Variants in MCM3AP observed in about 807,000 individuals in gnomAD.
MCM3AP encodes the protein minichromosome maintenance complex component 3 associated protein.
Under a neutral mutation model 184.1 loss-of-function variants are expected in MCM3AP, and 126 were observed. That is an observed-to-expected ratio of 0.68 (90% CI 0.59 to 0.79). The LOEUF (loss-of-function observed/expected upper bound fraction) is 0.79. Ranked by LOEUF, MCM3AP falls within the 30% of genes least tolerant of loss-of-function variation. The pLI is 0.00. For missense variants in MCM3AP, 2,496 were observed against 2,479.2 expected (o/e 1.01, Z -0.14); for synonymous variants, 1,002 against 979.3 (o/e 1.02, Z -0.43).
intron 20 of MCM3AP, chr21:46,249,653 C>CAT (rs1247980022): frequency 6.8e-6 from 3 of 441,990 alleles, no homozygotes; most frequent in Non-Finnish European, 1.3e-5. Context: ...CCTCGCATGA[C>CAT]ATATAACATC....
At position 46,265,403 on chromosome 21, in the gene MCM3AP, G is replaced by C. The variant is rs17182850; in HGVS notation, c.3152C>G (p.Pro1051Arg). Residue 1051 changes from proline to arginine, a missense_variant, in exon 12 of 28, where the codon CCG (proline) becomes CGG (arginine). Coordinates refer to ENST00000291688, the MANE Select transcript of MCM3AP (RefSeq NM_003906.5). ...CTGGAAGAGGCTGGGCGCCACAGAC[G>C]GGGTCAGTGCCAGGACAGGAGGCAG... ...VPLPPVLALTPSVAPSLFQLS... is the reference protein window; with the variant it reads ...VPLPPVLALTRSVAPSLFQLS... 1 of 1,614,024 alleles carries C rather than the reference G, an allele frequency of 6.2e-7. No individual in the cohort carries two copies. The highest frequency in any genetic ancestry group is 2.2e-5 in the East Asian group (1 of 44,880).
At chr21:46,259,455 C>CAA (rs959198211) in intron 15 of MCM3AP, 11 of 68,466 alleles carry the variant, frequency 1.6e-4, no homozygotes, top group South Asian at 9.0e-4. Context: ...GACTCCGTCT[C>CAA]AAAAAAAAAA....
At chr21:46,276,585 GC>G (rs1454244885) in intron 5 of MCM3AP, among the ~76,000 whole-genome samples, 1 of 150,120 alleles carries the variant, frequency 6.7e-6, no homozygotes, top group Non-Finnish European at 1.5e-5. Context: ...GGGATTACAG[GC>G]ATGTGCCACC....
intron 6 of MCM3AP, 64 bp downstream of exon 6, chr21:46,275,122 T>C (rs1231900158): frequency 1.3e-6 from 2 of 1,527,668 alleles, no homozygotes; most frequent in East Asian, 2.3e-5. Flanking sequence ...ATCAAGTATG[T>C]ACAGAAATGA....
chr21:46,272,682 A>AGC lies in MCM3AP; in HGVS notation c.2343_2344insGC (p.Cys782AlafsTer6). ...TACATCTCCTTCAGGCTCTGCAGGC[A>AGC]CTTGGTCATGTTCTCATTATTGATC... On this transcript the variant is annotated frameshift_variant, in exon 8 of 28. Transcript: ENST00000291688. LOFTEE classifies it high-confidence loss of function. The AGC allele has an allele frequency of 6.2e-7, 1 of 1,614,184 alleles. No homozygotes were observed. The highest frequency in any genetic ancestry group is 8.5e-7 in the Non-Finnish European group (1 of 1,180,026).
In MCM3AP at chr21:46,236,945, C is replaced by G. The variant is rs777722454; in HGVS notation, c.5668G>C (p.Asp1890His). Residue 1890 changes from aspartate (D) to histidine (H), a missense_variant, in exon 27 of 28, where the codon GAC (aspartate) becomes CAC (histidine). Around this residue, in one of 5 missense-constraint regions of MCM3AP, gnomAD observed 1,323 missense variants for 1,273.4 expected, o/e 1.04. Transcript: ENST00000291688. ...EDQLQQWLSE[D>H]SGAFTDLTSL... ...GTTAAATCCGTAAATGCTCCTGAGT[C>G]TTCAGACAACCATTGCTGAAGCTGA... 1 of 1,560,818 alleles carries G rather than the reference C, an allele frequency of 6.4e-7. No homozygotes were observed. The highest frequency in any genetic ancestry group is 8.6e-7 in the Non-Finnish European group (1 of 1,161,408).
At chr21:46,248,966 T>G (rs896048142) in intron 20 of MCM3AP, among the ~76,000 whole-genome samples, 6 of 152,018 alleles carry the variant, frequency 3.9e-5, no homozygotes, top group African/African-American at 1.2e-4. Context: ...CATAAAGACA[T>G]GAAAATGTCC....
At chr21:46,274,595 A>T (rs1329466663) in intron 6 of MCM3AP, among the ~76,000 whole-genome samples, 1 of 152,228 alleles carries the variant, frequency 6.6e-6, no homozygotes, top group Non-Finnish European at 1.5e-5. Context: ...CATAATCTCG[A>T]ATGTGTAAAA....
chr21:46,283,897 CAACT>C (rs1168286625), intron 1 of MCM3AP, 59 bp from the exon 2 acceptor site: 17 of 1,558,350 alleles, frequency 1.1e-5, no homozygotes, highest in African/African-American at 1.1e-4. Context: ...CAGGAGGCAC[CAACT>C]GTGTCGAAGC....
Position 46,259,995 on chromosome 21 carries a change from G to A in MCM3AP, c.3581+798C>T, listed in dbSNP as rs372244043. Among the ~76,000 whole-genome samples the A allele has an allele frequency of 4.0e-5, 6 of 151,518 alleles. No individual in the cohort carries two copies. The East Asian group carries it at 1.2e-3, about 29-fold the overall frequency. On this transcript the variant is annotated intron_variant, in intron 15 of 27. Transcript: ENST00000291688. ...GGAGGCTGAGCTAGGAGAATCGCTTGAACCCAGGAGGCAGAGGTTGCAGTG... is the reference window on the plus strand; with the variant it reads ...GGAGGCTGAGCTAGGAGAATCGCTTAAACCCAGGAGGCAGAGGTTGCAGTG...
chr21:46,246,594 A>G (rs750794436), intron 21 of MCM3AP, 34 bp downstream of exon 21: 1 of 1,604,030 alleles, frequency 6.2e-7, no homozygotes, highest in Non-Finnish European at 8.5e-7. Flanking sequence ...TTATTAAACA[A>G]TGCTGCTTCA....
intron 9 of MCM3AP, among the ~76,000 whole-genome samples, chr21:46,269,270 C>T (rs990056917): frequency 4.6e-5 from 7 of 151,988 alleles, no homozygotes; most frequent in Non-Finnish European, 1.5e-5. Context: ...CATCCCACCA[C>T]ACCTGCCTGG....
At chr21:46,266,202 C>A (rs767839390) in intron 10 of MCM3AP, 36 bp from the exon 11 acceptor site, 51 of 1,566,552 alleles carry the variant, frequency 3.3e-5, no homozygotes, top group Non-Finnish European at 4.3e-5. Context: ...AGGGGTGTCA[C>A]CAGGGGAGAA....
rs1336227482 is a variant in MCM3AP, at chr21:46,243,667, G to A, written c.5094C>T (p.Ser1698=). 2.5e-6 allele frequency: 4 copies of A among 1,614,118 alleles called. No individual in the cohort carries two copies. The highest frequency in any genetic ancestry group is 1.3e-5 in the African/African-American group (1 of 74,956). ...GGAGGACAGGCTGTGTCTGGCGTGAGCTGGGGATCTGGGAGGCGTACTGGA... is the reference window on the plus strand; with the variant it reads ...GGAGGACAGGCTGTGTCTGGCGTGAACTGGGGATCTGGGAGGCGTACTGGA... ...MVVQYASQIP[S]SRQTQPVLQS... Residue 1698 remains serine (S), a synonymous_variant, in exon 24 of 28, where the codon AGC becomes AGT. Coordinates refer to ENST00000291688, the MANE Select transcript of MCM3AP (RefSeq NM_003906.5).
chr21:46,261,127 C>T lies in MCM3AP; in HGVS notation c.3467+153G>A, dbSNP rs2839179. 0.17 allele frequency among the ~76,000 whole-genome samples: 25,587 copies of T among 151,974 alleles called. 2,496 individuals carry two copies. The highest frequency in any genetic ancestry group is 0.23 in the Non-Finnish European group (15,301 of 67,904). Reference sequence around the variant, plus strand: ...GGTGTGGCCTGAGGAGCTCCATCCACCCCCTGGGCTGAAGCATAGGAGGGC... The same window carrying T: ...GGTGTGGCCTGAGGAGCTCCATCCATCCCCTGGGCTGAAGCATAGGAGGGC... On this transcript the variant is annotated intron_variant, in intron 14 of 27. Coordinates refer to ENST00000291688, the MANE Select transcript of MCM3AP (RefSeq NM_003906.5).
At chr21:46,243,243 C>T (rs967091711) in intron 24 of MCM3AP, among the ~76,000 whole-genome samples, 1 of 152,076 alleles carries the variant, frequency 6.6e-6, no homozygotes, top group African/African-American at 2.4e-5. Context: ...TAAGAGCCAT[C>T]CTAGGGGGCC....
At chr21:46,249,624 A>G (rs1327220568) in intron 20 of MCM3AP, 2 of 451,904 alleles carry the variant, frequency 4.4e-6, no homozygotes, top group African/African-American at 2.0e-5. Context: ...TTCATAATGG[A>G]AAAGACTCAG....
At chr21:46,276,325 G>A (rs1228430717) in intron 5 of MCM3AP, among the ~76,000 whole-genome samples, 1 of 151,252 alleles carries the variant, frequency 6.6e-6, no homozygotes, top group Non-Finnish European at 1.5e-5. Context: ...AAAAATCACT[G>A]TATCAATGAT....
intron 26 of MCM3AP, 151 bp from the exon 27 acceptor site, chr21:46,237,130 C>G: frequency 3.6e-6 from 1 of 274,906 alleles, no homozygotes; most frequent in Non-Finnish European, 6.0e-6. Flanking sequence ...GAGACAGAGT[C>G]TCACTCTGTT....
Sources: allele counts gnomAD v4.1 joint callset (sites outside exome capture counted in the v4.1 genomes callset), GRCh38; gene constraint gnomAD v4.1.1; regional missense constraint gnomAD v4.1.1; transcripts MANE v1.5; gene names NCBI Gene and HGNC (gene_info 2026-07-23, HGNC 2026-07-21).